Variants in JAK1 observed in about 807,000 individuals in gnomAD.
The protein encoded by JAK1 is Janus kinase 1.
In JAK1, 16 loss-of-function variants were observed where a neutral mutation model predicts 136.6. The observed-to-expected ratio is 0.12, with a 90% CI of 0.08 to 0.18. The LOEUF (loss-of-function observed/expected upper bound fraction) is 0.18. Among genes scored for constraint, JAK1 ranks in the 10% least tolerant of loss-of-function variants. The pLI, the probability that JAK1 is intolerant of heterozygous loss-of-function variation, is 1.00. For synonymous variants in JAK1, 492 were observed against 519.5 expected (o/e 0.95, Z 0.72); for missense variants, 859 against 1,450.1 (o/e 0.59, Z 6.62).
rs1646380401 is a variant in JAK1 at position 64,966,415 on chromosome 1, C to G, written c.-160G>C. On this transcript the variant is annotated 5_prime_UTR_variant, in exon 1 of 25. Transcript: ENST00000342505. ...CCGGCAGGCTCGCTAGGCGGCCAGC[C>G]CCGCGGGGCCCCAGCGTGCGCGCGC... 1 of 151,258 alleles carries G rather than the reference C, an allele frequency of 6.6e-6. No individual in the cohort carries two copies. Among genetic ancestry groups the G allele is most frequent in the Non-Finnish European group, 1.5e-5 (1 of 67,820 alleles). The allele number at this position is 151,258 out of a possible 1,614,324, so 9.4% of individuals were successfully genotyped here. A position where few individuals can be genotyped will look rare whatever the true frequency, so the allele number is the denominator to read the frequency against.
intron 1 of JAK1, among the ~76,000 whole-genome samples, chr1:65,067,208 G>C (rs1274314467): frequency 6.6e-6 from 1 of 150,890 alleles, no homozygotes; most frequent in Non-Finnish European, 1.5e-5. Context: ...AACTGCGTGC[G>C]GTCCCCGGAG....
At chr1:64,919,395 G>C (rs550298966) in intron 1 of JAK1, among the ~76,000 whole-genome samples, 1 of 152,278 alleles carries the variant, frequency 6.6e-6, no homozygotes, top group African/African-American at 2.4e-5. Flanking sequence ...ATGTGCCACA[G>C]TTTCTTAATC....
chr1:64,963,147 G>A (rs1282357734), intron 1 of JAK1, among the ~76,000 whole-genome samples: 1 of 152,036 alleles, frequency 6.6e-6, no homozygotes, highest in African/African-American at 2.4e-5. Flanking sequence ...CCTTTACATC[G>A]TAATTATTAA....
chr1:65,054,159 T>C (rs182634301), intron 1 of JAK1, among the ~76,000 whole-genome samples: 2 of 152,262 alleles, frequency 1.3e-5, no homozygotes, highest in East Asian at 3.9e-4. Context: ...TAGGGAAGGT[T>C]ACTGCTATTT....
chr1:65,063,738 G>A (rs1371959930), intron 1 of JAK1, among the ~76,000 whole-genome samples: 2 of 150,492 alleles, frequency 1.3e-5, no homozygotes, highest in Non-Finnish European at 2.9e-5. Flanking sequence ...CTGGGAGGTG[G>A]AGGTTGCAGT....
intron 1 of JAK1, among the ~76,000 whole-genome samples, chr1:64,958,912 T>G (rs1382911621): frequency 6.6e-6 from 1 of 152,244 alleles, no homozygotes; most frequent in Non-Finnish European, 1.5e-5. Flanking sequence ...CTATTTCTAC[T>G]TTATATTCAG....
intron 1 of JAK1, among the ~76,000 whole-genome samples, chr1:65,056,793 G>A (rs1647559603): frequency 6.6e-6 from 1 of 151,920 alleles, no homozygotes; most frequent in South Asian, 2.1e-4. Flanking sequence ...GCATGGTGGT[G>A]CACACCTGTA....
chr1:64,967,243 T>C (rs1020120679), upstream of JAK1, among the ~76,000 whole-genome samples: 1 of 152,186 alleles, frequency 6.6e-6, no homozygotes, highest in Non-Finnish European at 1.5e-5. Context: ...GATTCATACT[T>C]CGTAGGCAGT....
intron 4 of JAK1, chr1:64,876,030 T>C (rs1657383811): frequency 6.6e-6 from 1 of 151,918 alleles, no homozygotes; most frequent in Admixed American, 6.6e-5. Flanking sequence ...AAGGCAGTAA[T>C]AAGAGAATGA....
intron 1 of JAK1, among the ~76,000 whole-genome samples, chr1:64,901,502 A>T (rs2101469919): frequency 6.6e-6 from 1 of 152,316 alleles, no homozygotes; most frequent in South Asian, 2.1e-4. Flanking sequence ...AAAGTCTAAT[A>T]CAGTATGTCA....
intron 1 of JAK1, among the ~76,000 whole-genome samples, chr1:65,046,998 C>T (rs1647190091): frequency 1.3e-5 from 2 of 150,748 alleles, no homozygotes; most frequent in South Asian, 4.2e-4. Context: ...CAAGACCAGC[C>T]TAGGCAACAC....
chr1:65,010,554 G>A (rs375524310), intron 2 of JAK1, among the ~76,000 whole-genome samples: 40 of 152,308 alleles, frequency 2.6e-4, no homozygotes, highest in East Asian at 7.7e-4. Context: ...GGACTGTATC[G>A]TCCAGTTAAG....
intron 2 of JAK1, among the ~76,000 whole-genome samples, chr1:65,013,850 G>A (rs992138916): frequency 6.6e-6 from 1 of 152,046 alleles, no homozygotes; most frequent in Non-Finnish European, 1.5e-5. Context: ...TTCAGATGCT[G>A]GAATTATCAG....
intron 1 of JAK1, among the ~76,000 whole-genome samples, chr1:64,927,185 C>T (rs1170475745): frequency 6.6e-6 from 1 of 152,214 alleles, no homozygotes; most frequent in Non-Finnish European, 1.5e-5. Context: ...AGAAAGAGCT[C>T]TGTCTCTCTG....
In JAK1 at chr1:64,855,558, C is replaced by T. The variant is rs1000611762; in HGVS notation, c.1599G>A (p.Thr533=). 10 of 1,613,998 alleles carry T rather than the reference C, an allele frequency of 6.2e-6. No individual in the cohort carries two copies. Among genetic ancestry groups the T allele is most frequent in the East Asian group, 2.2e-5 (1 of 44,886 alleles). ...GTTTTAGCATGAAGCTGATGTTATCCGTGCGCAGGATCTGCTTCTTGAGGT... is the reference window on the plus strand; with the variant it reads ...GTTTTAGCATGAAGCTGATGTTATCTGTGCGCAGGATCTGCTTCTTGAGGT... ...MSHLKKQILR[T]DNISFMLKRC... is the part of the protein sequence containing the mutation. Residue 533 remains threonine (T), a synonymous_variant, in exon 11 of 25, where the codon ACG becomes ACA. Transcript: ENST00000342505.
chr1:64,835,833 T>G (rs1276853409), intron 23 of JAK1, among the ~76,000 whole-genome samples: 1 of 152,144 alleles, frequency 6.6e-6, no homozygotes, highest in Admixed American at 6.5e-5. Flanking sequence ...CTTGCTCATT[T>G]TCCCATAAAA....
At chr1:64,861,895 T>G (rs72675451) in intron 8 of JAK1, among the ~76,000 whole-genome samples, 8,085 of 151,888 alleles carry the variant, frequency 0.053, 338 homozygotes, top group Admixed American at 0.14. Flanking sequence ...TTCAAGATGC[T>G]CTGAACAAGG....
chr1:64,841,387 G>A (rs1311257208), intron 18 of JAK1, 48 bp from the exon 19 acceptor site: 1 of 1,611,306 alleles, frequency 6.2e-7, no homozygotes, highest in South Asian at 1.1e-5. Flanking sequence ...CGATTGCCAG[G>A]GATTGCCACC....
In JAK1 at chr1:64,879,101, T is replaced by G. The variant is rs1474391816; in HGVS notation, c.253A>C (p.Thr85Pro). 2.5e-6 allele frequency: 4 copies of G among 1,613,950 alleles called. No homozygotes were observed. The South Asian group carries it at 4.4e-5, about 18-fold the overall frequency. ...HNLFALYDEN[T>P]KLWYAPNRTI... is the part of the protein sequence containing the mutation. ...CGATTTGGAGCATACCAGAGCTTGG[T>G]GTTCTCGTCATACAGGGCAAAGAGG... Residue 85 changes from threonine to proline, a missense_variant, in exon 4 of 25, where the codon ACC becomes CCC. Physicochemically the swap from Thr to Pro is conservative, Grantham distance 38. Around this residue, in one of 4 missense-constraint regions of JAK1, gnomAD observed 353 missense variants for 494.0 expected, o/e 0.71. Coordinates refer to ENST00000342505, the MANE Select transcript of JAK1 (RefSeq NM_002227.4).
Sources: gnomAD v4.1 joint callset for allele counts (sites outside exome capture counted in the v4.1 genomes callset) on GRCh38, gnomAD v4.1.1 for gene constraint, gnomAD v4.1.1 regional missense constraint, MANE v1.5 for transcripts, NCBI Gene and HGNC (gene_info 2026-07-23, HGNC 2026-07-21) for gene names.